ENTREP2: variants seen among roughly 807,000 people sequenced by gnomAD.
ENTREP2 encodes endosomal transmembrane epsin interactor 2, also known as protein ENTREP2.
chr15:29,249,673 C>T, the ENTREP2 span, among the ~76,000 whole-genome samples: 1 of 152,114 alleles, frequency 6.6e-6, no homozygotes, highest in Non-Finnish European at 1.5e-5. Context: ...CTATGAAGAA[C>T]TCAGGGTAGG....
At chr15:29,191,749 T>C in the ENTREP2 span, among the ~76,000 whole-genome samples, 1 of 152,112 alleles carries the variant, frequency 6.6e-6, no homozygotes, top group Admixed American at 6.5e-5. Context: ...ATCCTATCTC[T>C]ACAAACAATA....
the ENTREP2 span, among the ~76,000 whole-genome samples, chr15:29,171,774 T>C: frequency 2.6e-5 from 4 of 151,996 alleles, no homozygotes; most frequent in Non-Finnish European, 4.4e-5. Flanking sequence ...AGGAAAACCA[T>C]ACATGAAAAA....
chr15:29,261,431 C>T, the ENTREP2 span, among the ~76,000 whole-genome samples: 3,578 of 152,216 alleles, frequency 0.024, 157 homozygotes, highest in African/African-American at 0.082. Context: ...GTAGTCTGAG[C>T]TAATTAGGAG....
At chr15:29,597,261 T>C in the ENTREP2 span, among the ~76,000 whole-genome samples, 1 of 152,174 alleles carries the variant, frequency 6.6e-6, no homozygotes, top group South Asian at 2.1e-4. Flanking sequence ...TTTAGCAATA[T>C]GCATTTAAGA....
chr15:29,250,377 A>G, the ENTREP2 span, among the ~76,000 whole-genome samples: 3 of 152,236 alleles, frequency 2.0e-5, no homozygotes, highest in African/African-American at 7.2e-5. Context: ...ATTCTGTGGT[A>G]CCATCAACCA....
At chr15:29,139,324 T>G in the ENTREP2 span, among the ~76,000 whole-genome samples, 1 of 152,236 alleles carries the variant, frequency 6.6e-6, no homozygotes, top group Non-Finnish European at 1.5e-5. Context: ...TGTGTTTAAT[T>G]GTCCGAAACA....
chr15:29,205,326 G>A, the ENTREP2 span, among the ~76,000 whole-genome samples: 165 of 152,264 alleles, frequency 1.1e-3, no homozygotes, highest in African/African-American at 3.8e-3. Flanking sequence ...AATTATTTGG[G>A]TAAATTCCCA....
At chr15:29,229,816 C>T in the ENTREP2 span, among the ~76,000 whole-genome samples, 1 of 152,126 alleles carries the variant, frequency 6.6e-6, no homozygotes, top group Non-Finnish European at 1.5e-5. Context: ...TAGACAATCT[C>T]ATCCACTCCC....
At chr15:29,397,318 G>A in the ENTREP2 span, among the ~76,000 whole-genome samples, 1 of 152,108 alleles carries the variant, frequency 6.6e-6, no homozygotes, top group Admixed American at 6.5e-5. Flanking sequence ...TTGAACCCAG[G>A]AGGCAGAGGT....
the ENTREP2 span, among the ~76,000 whole-genome samples, chr15:29,345,654 T>C: frequency 6.6e-6 from 1 of 151,488 alleles, no homozygotes; most frequent in African/African-American, 2.4e-5. Context: ...GTGGCAGCCC[T>C]GATAACACCC....
At chr15:29,210,946 T>A in the ENTREP2 span, among the ~76,000 whole-genome samples, 1 of 152,172 alleles carries the variant, frequency 6.6e-6, no homozygotes, top group African/African-American at 2.4e-5. Context: ...ATATTTTCAA[T>A]AGACACCTGT....
the ENTREP2 span, among the ~76,000 whole-genome samples, chr15:29,523,965 T>C: frequency 2.0e-5 from 3 of 152,160 alleles, no homozygotes; most frequent in African/African-American, 7.2e-5. Context: ...ATTTTCATGA[T>C]GTTGGATTAG....
At chr15:29,503,507 C>T in the ENTREP2 span, among the ~76,000 whole-genome samples, 4 of 152,014 alleles carry the variant, frequency 2.6e-5, no homozygotes, top group South Asian at 4.2e-4. Flanking sequence ...TCCGGAATTA[C>T]GTCATGATGA....
At chr15:29,336,848 A>T in the ENTREP2 span, among the ~76,000 whole-genome samples, 11 of 152,226 alleles carry the variant, frequency 7.2e-5, no homozygotes, top group South Asian at 2.3e-3. Context: ...TGAGAAAAGG[A>T]TCTGGATGGT....
the ENTREP2 span, among the ~76,000 whole-genome samples, chr15:29,645,887 T>C: frequency 1.3e-5 from 2 of 152,174 alleles, no homozygotes; most frequent in Admixed American, 6.5e-5. Context: ...AAAGACATAA[T>C]ACTTTTGTGG....
At chr15:29,624,917 AT>A in the ENTREP2 span, among the ~76,000 whole-genome samples, 1 of 144,896 alleles carries the variant, frequency 6.9e-6, no homozygotes, top group Non-Finnish European at 1.5e-5. Context: ...GTATAGTTTT[AT>A]GCAATTTTAC....
the ENTREP2 span, chr15:29,610,852 A>T: frequency 7.3e-6 from 1 of 136,200 alleles, no homozygotes; most frequent in Non-Finnish European, 1.6e-5. Context: ...ATCCCTCTGC[A>T]GTGATTCAGT....
chr15:29,554,398 G>A, the ENTREP2 span, among the ~76,000 whole-genome samples: 1 of 150,644 alleles, frequency 6.6e-6, no homozygotes, highest in South Asian at 2.1e-4. Flanking sequence ...GAGAGAGGGA[G>A]GAAAGGAGGG....
chr15:29,600,070 T>G, the ENTREP2 span, among the ~76,000 whole-genome samples: 1 of 152,210 alleles, frequency 6.6e-6, no homozygotes, highest in Admixed American at 6.5e-5. Context: ...AGAGTAAAGG[T>G]GAGGGTAGCC....
Sources: gnomAD v4.1 joint callset for allele counts (sites outside exome capture counted in the v4.1 genomes callset) on GRCh38, gnomAD v4.1.1 for gene constraint, MANE v1.5 for transcripts, NCBI Gene and HGNC (gene_info 2026-07-23, HGNC 2026-07-21) for gene names.